The following PRKN variants were observed in gnomAD, a reference collection of about 807,000 sequenced individuals.
PRKN encodes E3 ubiquitin-protein ligase parkin.
Under a neutral mutation model 59.5 loss-of-function variants are expected in PRKN, and 56 were observed. The observed-to-expected ratio is 0.94, with a 90% CI of 0.76 to 1.18. The LOEUF is 1.18. PRKN is among the 50% of genes most tolerant of loss of function. The pLI is 0.00. For synonymous variants in PRKN, 250 were observed against 222.1 expected, an observed-to-expected ratio of 1.13 and a Z score of -1.12; for missense variants, 657 against 596.4, an observed-to-expected ratio of 1.10 and a Z score of -1.06.
At position 162,584,787 on chromosome 6, in the gene PRKN, T is replaced by C. The variant is rs576864546; in HGVS notation, c.8-141314A>G. Among the ~76,000 whole-genome samples the C allele has an allele frequency of 4.3e-3, 149 of 34,360 alleles. 1 individual carries two copies. The highest frequency in any genetic ancestry group is 5.7e-3 in the Non-Finnish European group (117 of 20,364). The allele number at this position is 34,360 out of a possible 152,430, so 22.5% of individuals were successfully genotyped here. A position where few individuals can be genotyped will look rare whatever the true frequency, so the allele number is the denominator to read the frequency against. On this transcript the variant is annotated intron_variant, in intron 1 of 11. Coordinates refer to ENST00000366898, the MANE Select transcript of PRKN (RefSeq NM_004562.3). ...TCTCTTTTCTTTTCCTCTCCTCTCC[T>C]CTCCCCTCCCCTCCCCTCCCCTCCC...
chr6:162,623,530 A>G (rs993406469), intron 1 of PRKN, among the ~76,000 whole-genome samples: 1 of 152,192 alleles, frequency 6.6e-6, no homozygotes, highest in Admixed American at 6.5e-5. Flanking sequence ...TTATTTTCCA[A>G]TGAGAATAGA....
intron 4 of PRKN, among the ~76,000 whole-genome samples, chr6:162,178,618 G>A (rs773340187): frequency 1.4e-4 from 21 of 152,132 alleles, no homozygotes; most frequent in Admixed American, 6.5e-5. Flanking sequence ...ATATTGTCAC[G>A]TGCTGCCAAA....
At chr6:161,618,216 G>A (rs565597730) in intron 7 of PRKN, among the ~76,000 whole-genome samples, 10 of 152,230 alleles carry the variant, frequency 6.6e-5, no homozygotes, top group South Asian at 2.1e-4. Context: ...TCCCATGCTC[G>A]TTAATTCCCT....
chr6:161,535,120 G>T (rs74794572), intron 9 of PRKN, among the ~76,000 whole-genome samples: 3,476 of 152,270 alleles, frequency 0.023, 130 homozygotes, highest in African/African-American at 0.078. Flanking sequence ...TCGAACTAGA[G>T]AATTTTCTAG....
At chr6:162,390,396 T>TATAC (rs1180636201) in intron 2 of PRKN, among the ~76,000 whole-genome samples, 1,954 of 83,946 alleles carry the variant, frequency 0.023, 51 homozygotes, top group East Asian at 0.099. Context: ...TATATATATA[T>TATAC]ACACACACAC....
chr6:161,644,561 C>G (rs1783855844), intron 7 of PRKN, among the ~76,000 whole-genome samples: 1 of 152,210 alleles, frequency 6.6e-6, no homozygotes, highest in Non-Finnish European at 1.5e-5. Flanking sequence ...GTGGGCTTGT[C>G]TCATCTCCCA....
chr6:162,141,976 T>A (rs1178383925), intron 4 of PRKN, among the ~76,000 whole-genome samples: 1 of 152,184 alleles, frequency 6.6e-6, no homozygotes, highest in Non-Finnish European at 1.5e-5. Flanking sequence ...AATGCACCAT[T>A]GTAAGCTGTC....
In PRKN at chr6:161,548,941, G is replaced by A. The variant is rs1345155769; in HGVS notation, c.996C>T (p.Cys332=). ...ECVLQMGGVL[C]PRPGCGAGLL... ...GCCCCGCTCCACAGCCAGGGCGGGG[G>A]CATAACACGCCCCCCATCTGCAGGA... Residue 332 remains cysteine, a synonymous_variant, in exon 9 of 12, where the codon TGC becomes TGT. Transcript: ENST00000366898. This position sits in a 1 kb window ranked among gnomAD's most constrained non-coding sequence, Gnocchi z 4.2. The A allele has an allele frequency of 1.2e-6, 2 of 1,613,914 alleles. No homozygotes were observed. Among genetic ancestry groups the A allele is most frequent in the Admixed American group, 1.7e-5 (1 of 60,022 alleles).
chr6:162,609,138 C>A (rs1782037895), intron 1 of PRKN, among the ~76,000 whole-genome samples: 1 of 152,162 alleles, frequency 6.6e-6, no homozygotes, highest in African/African-American at 2.4e-5. Flanking sequence ...TCATCAAACC[C>A]CTTTCATGTA....
At chr6:161,946,450 TC>T (rs146160040) in intron 6 of PRKN, among the ~76,000 whole-genome samples, 16 of 131,614 alleles carry the variant, frequency 1.2e-4, no homozygotes, top group African/African-American at 3.1e-4. Context: ...TCTCTCTCTC[TC>T]AATACAAAAG....
intron 1 of PRKN, among the ~76,000 whole-genome samples, chr6:162,544,092 C>T (rs1289344627): frequency 1.3e-5 from 2 of 152,156 alleles, no homozygotes; most frequent in Admixed American, 6.5e-5. Context: ...TGTGGTATGA[C>T]TTTATGAGGA....
intron 1 of PRKN, among the ~76,000 whole-genome samples, chr6:162,632,232 A>G (rs1783138294): frequency 6.6e-6 from 1 of 152,180 alleles, no homozygotes; most frequent in Non-Finnish European, 1.5e-5. Flanking sequence ...CACTATTCAC[A>G]ATAGCAAAGA....
At chr6:161,433,275 T>C (rs1788733848) in intron 9 of PRKN, among the ~76,000 whole-genome samples, 1 of 152,208 alleles carries the variant, frequency 6.6e-6, no homozygotes, top group Non-Finnish European at 1.5e-5. Flanking sequence ...CTGTAAGCAG[T>C]ATGCGTCCGC....
rs918828594 is a variant in PRKN at position 161,385,171 on chromosome 6, G to A, written c.1167+1623C>T. On this transcript the variant is annotated intron_variant, in intron 10 of 11. Coordinates refer to ENST00000366898, the MANE Select transcript of PRKN (RefSeq NM_004562.3). The surrounding 1 kb of genome is among the most constrained non-coding windows in gnomAD (Gnocchi z 4.9). ...TCTCAATCTCTTGACCTCATGATCC[G>A]CCCACCTCGGCCTCCCAAAGTGCTG... 7.3e-5 allele frequency among the ~76,000 whole-genome samples: 11 copies of A among 151,058 alleles called. No individual in the cohort carries two copies. The highest frequency in any genetic ancestry group is 4.2e-4 in the South Asian group (2 of 4,792).
chr6:161,602,793 T>C lies in PRKN; in HGVS notation c.872-33377A>G, dbSNP rs547640290. 2.0e-5 allele frequency among the ~76,000 whole-genome samples: 3 copies of C among 152,258 alleles called. No homozygotes were observed. In the South Asian group the frequency reaches 6.2e-4, roughly 31 times the overall value. ...CTTATTAGGCCAATACTAATGCAGC[T>C]CAGCAAATGAATGCTTATTATGAGT... On this transcript the variant is annotated intron_variant, in intron 7 of 11. Coordinates refer to ENST00000366898, the MANE Select transcript of PRKN (RefSeq NM_004562.3).
At chr6:162,604,727 G>C in intron 1 of PRKN, among the ~76,000 whole-genome samples, 1 of 131,858 alleles carries the variant, frequency 7.6e-6, no homozygotes. Flanking sequence ...CTTAGACCCT[G>C]CCATTCATTT....
chr6:162,246,422 A>G (rs1410452976), intron 3 of PRKN, among the ~76,000 whole-genome samples: 1 of 152,124 alleles, frequency 6.6e-6, no homozygotes, highest in African/African-American at 2.4e-5. Flanking sequence ...CAAAAAATAG[A>G]TTTTGGTTGT....
intron 10 of PRKN, among the ~76,000 whole-genome samples, chr6:161,367,266 C>T (rs1202881711): frequency 6.6e-5 from 10 of 151,938 alleles, no homozygotes; most frequent in Non-Finnish European, 1.3e-4. Flanking sequence ...CAGGCGTGAG[C>T]CACCGCGCCC....
At chr6:161,922,717 G>A (rs900688899) in intron 6 of PRKN, among the ~76,000 whole-genome samples, 1 of 152,140 alleles carries the variant, frequency 6.6e-6, no homozygotes, top group African/African-American at 2.4e-5. Context: ...CCTGTAATGA[G>A]ATCTGAATTC....
Sources: gnomAD v4.1 joint callset for allele counts (sites outside exome capture counted in the v4.1 genomes callset) on GRCh38, gnomAD v4.1.1 for gene constraint, Gnocchi (gnomAD v3.1) non-coding constraint, MANE v1.5 for transcripts, NCBI Gene and HGNC (gene_info 2026-07-23, HGNC 2026-07-21) for gene names.